DCC: variants seen among roughly 807,000 people sequenced by gnomAD.
The protein encoded by DCC is netrin receptor DCC.
DCC carries 58 observed loss-of-function variants against 172.5 expected under a neutral mutation model. The ratio of observed to expected loss-of-function variants is 0.34; its 90% CI spans 0.27 to 0.42. DCC has a LOEUF of 0.42. DCC is among the 10% of genes least tolerant of loss of function. The probability of loss-of-function intolerance (pLI) is 1.00; values close to 1 mark genes in which losing one functional copy is unlikely to be tolerated. For synonymous variants in DCC, 709 were observed against 644.5 expected, an observed-to-expected ratio of 1.10 and a Z score of -1.52; for missense variants, 1,740 against 1,791.0, an observed-to-expected ratio of 0.97 and a Z score of 0.51.
intron 15 of DCC, among the ~76,000 whole-genome samples, chr18:53,367,224 T>C (rs2058015664): frequency 6.6e-6 from 1 of 152,182 alleles, no homozygotes; most frequent in Non-Finnish European, 1.5e-5. Context: ...TTGAGCCACA[T>C]TATCTTATAA....
At chr18:53,395,502 C>T (rs12327199) in intron 17 of DCC, among the ~76,000 whole-genome samples, 64,583 of 151,882 alleles carry the variant, frequency 0.43, 15,484 homozygotes, top group Non-Finnish European at 0.55. Flanking sequence ...TTCATGATCA[C>T]GAAGGAAAGC....
intron 2 of DCC, among the ~76,000 whole-genome samples, chr18:52,842,230 T>C (rs1303022533): frequency 6.6e-6 from 1 of 152,078 alleles, no homozygotes; most frequent in East Asian, 1.9e-4. Flanking sequence ...TCTCACATGA[T>C]TATTTTTAGA....
rs1480708488 is a variant in DCC at position 53,301,750 on chromosome 18, C to T, written c.1912-3828C>T. ...TTTATGTCAGGATTTGGTGCTGACA[C>T]ACTTCCATCCTCATTTTCTTCTCCA... On this transcript the variant is annotated intron_variant, in intron 12 of 28. Transcript: ENST00000442544. Among the ~76,000 whole-genome samples, 4 of 152,226 alleles carry T rather than the reference C, an allele frequency of 2.6e-5. No individual in the cohort carries two copies. The East Asian group carries it at 7.7e-4, about 29-fold the overall frequency.
At chr18:53,442,991 C>T (rs1424405018) in intron 22 of DCC, among the ~76,000 whole-genome samples, 1 of 152,110 alleles carries the variant, frequency 6.6e-6, no homozygotes, top group Non-Finnish European at 1.5e-5. Context: ...GGTTTAAGAA[C>T]AGAAGCCGTC....
intron 1 of DCC, among the ~76,000 whole-genome samples, chr18:52,510,119 C>CAA (rs34308021): frequency 7.5e-5 from 10 of 132,990 alleles, no homozygotes; most frequent in Non-Finnish European, 1.1e-4. Context: ...GCATCCCCTT[C>CAA]AAAAAAAAAA....
intron 2 of DCC, among the ~76,000 whole-genome samples, chr18:52,832,441 CTG>C (rs2038632386): frequency 5.8e-5 from 1 of 17,368 alleles, no homozygotes; most frequent in South Asian, 7.7e-3. Context: ...CTGCATGTAC[CTG>C]TGCACCCTCA....
intron 27 of DCC, among the ~76,000 whole-genome samples, chr18:53,519,418 C>G (rs2046374563): frequency 6.6e-6 from 1 of 151,968 alleles, no homozygotes; most frequent in African/African-American, 2.4e-5. Context: ...CTTTCAAGGC[C>G]TATTTGCAAA....
chr18:52,833,120 C>T (rs2038646528), intron 2 of DCC, among the ~76,000 whole-genome samples: 1 of 152,108 alleles, frequency 6.6e-6, no homozygotes, highest in African/African-American at 2.4e-5. Context: ...GCTTTAATTA[C>T]ACTGAAACAA....
chr18:52,934,291 C>A lies in DCC; in HGVS notation c.985+8921C>A, dbSNP rs1393774122. On this transcript the variant is annotated intron_variant, in intron 5 of 28. Coordinates refer to ENST00000442544, the MANE Select transcript of DCC (RefSeq NM_005215.4). ...TAGTGATACATTGAAATTTCTTTGG[C>A]AGTAATCTCTAGAAACATAGACATC... Among the ~76,000 whole-genome samples, 10 of 152,012 alleles carry A rather than the reference C, an allele frequency of 6.6e-5. No individual in the cohort carries two copies. In the East Asian group the frequency reaches 1.9e-3, roughly 29 times the overall value.
At chr18:53,476,053 G>A (rs184225723) in intron 25 of DCC, among the ~76,000 whole-genome samples, 7 of 152,266 alleles carry the variant, frequency 4.6e-5, no homozygotes, top group South Asian at 2.1e-4. Context: ...CTTGCATGGC[G>A]CCTGTAGCCC....
intron 1 of DCC, among the ~76,000 whole-genome samples, chr18:52,476,630 G>A (rs542509223): frequency 2.6e-5 from 4 of 152,228 alleles, no homozygotes; most frequent in African/African-American, 9.6e-5. Context: ...ACACTGCCTT[G>A]AATGAACAAG....
At chr18:52,541,875 G>GTATATATATATACA (rs1555695197) in intron 1 of DCC, among the ~76,000 whole-genome samples, 1 of 115,202 alleles carries the variant, frequency 8.7e-6, no homozygotes. Flanking sequence ...GTGTGTGTGT[G>GTATATATATATACA]TATATATATA....
At chr18:53,460,293 T>G (rs12970460) in intron 24 of DCC, among the ~76,000 whole-genome samples, 17 of 117,836 alleles carry the variant, frequency 1.4e-4, no homozygotes, top group Non-Finnish European at 2.0e-4. Flanking sequence ...TTTTTTTTTT[T>G]TTTTTTTTTT....
intron 1 of DCC, among the ~76,000 whole-genome samples, chr18:52,437,818 T>C (rs1987845458): frequency 1.3e-5 from 2 of 151,982 alleles, no homozygotes; most frequent in Non-Finnish European, 2.9e-5. Flanking sequence ...TCAAGAAGAG[T>C]TAAAATTTAG....
intron 2 of DCC, among the ~76,000 whole-genome samples, chr18:52,814,719 A>G (rs1443871617): frequency 6.6e-6 from 1 of 152,240 alleles, no homozygotes; most frequent in African/African-American, 2.4e-5. Context: ...AGGCTATAGA[A>G]TATCAAAAAG....
chr18:52,626,127 CAT>C (rs1170415712), intron 1 of DCC, among the ~76,000 whole-genome samples: 1 of 152,208 alleles, frequency 6.6e-6, no homozygotes, highest in Non-Finnish European at 1.5e-5. Context: ...CCTCATCCCA[CAT>C]GTTTGAAGTT....
chr18:52,949,167 G>C (rs1003437059), intron 5 of DCC, among the ~76,000 whole-genome samples: 2 of 152,196 alleles, frequency 1.3e-5, no homozygotes, highest in African/African-American at 4.8e-5. Context: ...CCAGAAACAA[G>C]GACAGGGAAG....
At chr18:53,047,372 A>G (rs2042262975) in intron 5 of DCC, among the ~76,000 whole-genome samples, 1 of 123,276 alleles carries the variant, frequency 8.1e-6, no homozygotes, top group Non-Finnish European at 1.7e-5. Flanking sequence ...ATAAAATAAT[A>G]TATACTTTAT....
chr18:52,380,172 C>T (rs1985524376), intron 1 of DCC, among the ~76,000 whole-genome samples: 1 of 151,996 alleles, frequency 6.6e-6, no homozygotes, highest in Admixed American at 6.6e-5. Context: ...TCCCTCATGA[C>T]CTAGTCACTT....
Sources: allele counts gnomAD v4.1 joint callset (sites outside exome capture counted in the v4.1 genomes callset), GRCh38; gene constraint gnomAD v4.1.1; transcripts MANE v1.5; gene names NCBI Gene and HGNC (gene_info 2026-07-23, HGNC 2026-07-21).